The following RAD52 variants were observed in gnomAD, a reference collection of about 807,000 sequenced individuals.
RAD52 encodes DNA repair protein RAD52 homolog.
A neutral mutation model predicts 55.5 loss-of-function variants in RAD52; 47 were observed. The ratio of observed to expected loss-of-function variants is 0.85; its 90% CI spans 0.67 to 1.08. RAD52 has a LOEUF of 1.08. Ranked by LOEUF, RAD52 falls within the 50% of genes least tolerant of loss-of-function variation. The pLI is 0.00. For synonymous variants in RAD52, 184 were observed against 198.9 expected (o/e 0.92, Z 0.63); for missense variants, 468 against 522.8 (o/e 0.90, Z 1.02).
At chr12:925,572 A>C (rs750281609) in intron 6 of RAD52, 47 bp from the exon 7 acceptor site, 5 of 1,430,558 alleles carry the variant, frequency 3.5e-6, no homozygotes, top group Admixed American at 1.7e-5. Context: ...GAATTGTTAC[A>C]CATGAATATC....
chr12:971,811 G>A (rs904206753), intron 1 of RAD52, among the ~76,000 whole-genome samples: 10 of 151,620 alleles, frequency 6.6e-5, no homozygotes, highest in Non-Finnish European at 8.8e-5. Context: ...GCAGTGGCGC[G>A]ATCTCGGCTC....
At chr12:953,581 T>C (rs1397422791), upstream of RAD52, among the ~76,000 whole-genome samples, 3 of 152,220 alleles carry the variant, frequency 2.0e-5, no homozygotes, top group Admixed American at 6.5e-5. Context: ...ATATCCACTG[T>C]AGTATTATTT....
At chr12:972,823 G>C (rs1958881621) in intron 1 of RAD52, among the ~76,000 whole-genome samples, 1 of 151,388 alleles carries the variant, frequency 6.6e-6, no homozygotes, top group Admixed American at 6.6e-5. Flanking sequence ...ACCTGGCATG[G>C]TTGGGGGAAC....
intron 1 of RAD52, among the ~76,000 whole-genome samples, chr12:969,882 G>A (rs959251927): frequency 2.0e-5 from 3 of 151,920 alleles, no homozygotes; most frequent in Admixed American, 6.6e-5. Context: ...TATGTAAAGA[G>A]GTTTATCAGA....
At position 912,722 on chromosome 12, in the gene RAD52, C is replaced by CAAAAAGAAAAA. The variant is rs1956155309; in HGVS notation, c.*668_*669insTTTTTCTTTTT. ...AGGGCAACACAGCCAGACCCCGTCT[C>CAAAAAGAAAAA]AAAAAAAAAAAAAAAAAAAAAAACA... On this transcript the variant is annotated 3_prime_UTR_variant, in exon 12 of 12. Transcript: ENST00000358495. The CAAAAAGAAAAA allele has an allele frequency of 1.4e-5, 1 of 72,854 alleles. No homozygotes were observed. The highest frequency in any genetic ancestry group is 2.6e-5 in the Non-Finnish European group (1 of 39,036). The allele number at this position is 72,854 out of a possible 1,614,324, so 4.5% of individuals were successfully genotyped here.
At chr12:955,942 G>A (rs544617309) in intron 1 of RAD52, among the ~76,000 whole-genome samples, 1,020 of 62,530 alleles carry the variant, frequency 0.016, 6 homozygotes, top group African/African-American at 0.043. Flanking sequence ...CACCATGCCC[G>A]GCTAATTTTT....
chr12:921,430 A>G (rs1956721523), intron 7 of RAD52, among the ~76,000 whole-genome samples: 1 of 151,896 alleles, frequency 6.6e-6, no homozygotes, highest in African/African-American at 2.4e-5. Flanking sequence ...AACACGGTAA[A>G]ATTTTTTGTA....
At chr12:978,003 G>T (rs1193598595) in intron 1 of RAD52, among the ~76,000 whole-genome samples, 2 of 152,182 alleles carry the variant, frequency 1.3e-5, no homozygotes, top group African/African-American at 4.8e-5. Context: ...GACAACATTT[G>T]CTACAATGAC....
intron 1 of RAD52, among the ~76,000 whole-genome samples, chr12:970,253 A>G (rs1479499675): frequency 2.2e-5 from 3 of 138,362 alleles, no homozygotes; most frequent in Non-Finnish European, 4.6e-5. Flanking sequence ...CAGGAGGTGA[A>G]GGCTGCAGTA....
chr12:962,594 G>A (rs567184736), intron 1 of RAD52, among the ~76,000 whole-genome samples: 6 of 151,768 alleles, frequency 4.0e-5, no homozygotes, highest in African/African-American at 1.2e-4. Flanking sequence ...TGATCCACCC[G>A]CCTCGGCCTC....
chr12:916,447 C>T lies in RAD52; in HGVS notation c.762G>A (p.Thr254=), dbSNP rs199595727. Residue 254 remains threonine, a synonymous_variant, in exon 9 of 12, where the codon ACG becomes ACA. Transcript: ENST00000358495. ...LSSSAVESEA[T]HQRKLRQKQL... The stretch of plus-strand genomic sequence containing the variant: ...GCTTCTGCCGGAGCTTCCGCTGGTG[C>T]GTGGCCTCGCTCTCCACGGCGGATG... The T allele has an allele frequency of 1.2e-3, 1,888 of 1,607,068 alleles. 33 individuals carry two copies. In the Admixed American group the frequency reaches 0.03, roughly 25 times the overall value.
chr12:990,047 A>T (rs1322349093), exon 1 of RAD52: 2 of 152,236 alleles, frequency 1.3e-5, no homozygotes, highest in African/African-American at 4.8e-5. Flanking sequence ...CGATCCTGGG[A>T]GGGAACAGTT....
intron 9 of RAD52, among the ~76,000 whole-genome samples, chr12:915,082 C>G (rs1470530859): frequency 6.6e-6 from 1 of 152,184 alleles, no homozygotes; most frequent in Non-Finnish European, 1.5e-5. Flanking sequence ...TGCAGTGAAC[C>G]CTGATCCCGC....
chr12:946,825 C>T (rs1958253253), intron 1 of RAD52, among the ~76,000 whole-genome samples: 1 of 152,190 alleles, frequency 6.6e-6, no homozygotes, highest in South Asian at 2.1e-4. Context: ...ACTAGTCTCT[C>T]CCACAGCTAG....
rs777618797 is a variant in RAD52, at chr12:916,431, G to T, written c.778C>A (p.Arg260=). 1.2e-6 allele frequency: 2 copies of T among 1,607,596 alleles called. No individual in the cohort carries two copies. Among genetic ancestry groups the T allele is most frequent in the Non-Finnish European group, 1.7e-6 (2 of 1,179,100 alleles). The change falls in exon 9 of 12, where the codon CGG becomes AGG. Residue 260 remains arginine, a synonymous_variant. Transcript: ENST00000358495. The stretch of plus-strand genomic sequence containing the variant: ...AACTGCTGCTGCAGCTGCTTCTGCC[G>T]GAGCTTCCGCTGGTGCGTGGCCTCG... ...ESEATHQRKL[R]QKQLQQQFRE... is the part of the protein sequence containing the mutation.
chr12:923,517 A>C (rs1032461838), intron 7 of RAD52, among the ~76,000 whole-genome samples: 2 of 149,968 alleles, frequency 1.3e-5, no homozygotes, highest in African/African-American at 2.5e-5. Flanking sequence ...TTATGATGGC[A>C]CTCCTGCATT....
At chr12:950,823 A>T (rs1012663346), upstream of RAD52, among the ~76,000 whole-genome samples, 2 of 152,132 alleles carry the variant, frequency 1.3e-5, no homozygotes, top group African/African-American at 4.8e-5. Context: ...AATAAATCTC[A>T]AAATTGTATT....
chr12:930,873 A>G (rs1957290016), intron 3 of RAD52, among the ~76,000 whole-genome samples: 1 of 152,058 alleles, frequency 6.6e-6, no homozygotes, highest in African/African-American at 2.4e-5. Context: ...AAGCTGAGGC[A>G]GGAGGATCGC....
In RAD52 at chr12:944,218, A is replaced by T. The variant is rs554747409; in HGVS notation, c.-19+5384T>A. ...GTGACAGAACGAGACTGTCTCAAAAAAAAAGAAAGAAAGAAATTAAGTAGC... is the reference window on the plus strand; with the variant it reads ...GTGACAGAACGAGACTGTCTCAAAATAAAAGAAAGAAAGAAATTAAGTAGC... On this transcript the variant is annotated intron_variant, in intron 1 of 11. Transcript: ENST00000358495. 4.0e-3 allele frequency among the ~76,000 whole-genome samples: 609 copies of T among 152,116 alleles called. 6 individuals carry two copies. Among genetic ancestry groups the T allele is most frequent in the Non-Finnish European group, 3.6e-3 (243 of 67,988 alleles).
Sources: gnomAD v4.1 joint callset for allele counts (sites outside exome capture counted in the v4.1 genomes callset) on GRCh38, gnomAD v4.1.1 for gene constraint, MANE v1.5 for transcripts, NCBI Gene and HGNC (gene_info 2026-07-23, HGNC 2026-07-21) for gene names.